The following CSNK1G1 variants were observed in gnomAD, a reference collection of about 807,000 sequenced individuals.
The protein encoded by CSNK1G1 is casein kinase I isoform gamma-1.
Under a neutral mutation model 59.6 loss-of-function variants are expected in CSNK1G1, and 22 were observed. The ratio of observed to expected loss-of-function variants is 0.37; its 90% CI spans 0.26 to 0.53. The LOEUF is 0.53. CSNK1G1 is among the 20% of genes least tolerant of loss of function. The probability of loss-of-function intolerance (pLI) is 0.89; values close to 1 mark genes in which losing one functional copy is unlikely to be tolerated. For synonymous variants in CSNK1G1, 179 were observed against 177.1 expected, an observed-to-expected ratio of 1.01 and a Z score of -0.08; for missense variants, 384 against 519.5, an observed-to-expected ratio of 0.74 and a Z score of 2.54.
chr15:64,261,247 G>A (rs963825484), intron 2 of CSNK1G1, among the ~76,000 whole-genome samples: 11 of 152,106 alleles, frequency 7.2e-5, no homozygotes, highest in Admixed American at 1.3e-4. Context: ...GTGACTCTGC[G>A]CAAAGATTTT....
chr15:64,270,972 G>A (rs1893268816), intron 2 of CSNK1G1, among the ~76,000 whole-genome samples: 1 of 151,938 alleles, frequency 6.6e-6, no homozygotes, highest in Non-Finnish European at 1.5e-5. Flanking sequence ...TACTATGTAT[G>A]TGTGTATTTT....
intron 1 of CSNK1G1, among the ~76,000 whole-genome samples, chr15:64,314,282 T>C (rs998852255): frequency 1.3e-5 from 2 of 152,100 alleles, no homozygotes; most frequent in South Asian, 2.1e-4. Context: ...ATGCACAGCA[T>C]GGAAGAGTTT....
chr15:64,307,984 C>T (rs963329548), intron 1 of CSNK1G1, among the ~76,000 whole-genome samples: 1 of 152,102 alleles, frequency 6.6e-6, no homozygotes, highest in Non-Finnish European at 1.5e-5. Flanking sequence ...CCGCGCCCTG[C>T]CTGTCAGCAA....
chr15:64,326,716 T>A (rs925035795), intron 1 of CSNK1G1, among the ~76,000 whole-genome samples: 1 of 151,208 alleles, frequency 6.6e-6, no homozygotes, highest in East Asian at 2.0e-4. Flanking sequence ...GCTTCCAGCA[T>A]GAGCGACGCA....
intron 2 of CSNK1G1, among the ~76,000 whole-genome samples, chr15:64,290,775 G>A (rs1450283956): frequency 6.6e-6 from 1 of 151,988 alleles, no homozygotes; most frequent in Non-Finnish European, 1.5e-5. Context: ...TTTTGAGACA[G>A]AGTCTCGTTC....
At chr15:64,352,646 T>A (rs1424635882) in intron 1 of CSNK1G1, among the ~76,000 whole-genome samples, 3 of 150,742 alleles carry the variant, frequency 2.0e-5, no homozygotes, top group Non-Finnish European at 4.4e-5. Flanking sequence ...GGTTTCTCCA[T>A]GTTGCTCAGG....
Position 64,168,853 on chromosome 15 carries a change from C to G in CSNK1G1, c.*3078G>C, listed in dbSNP as rs573488383. The G allele has an allele frequency of 1.3e-5, 2 of 152,298 alleles. No individual in the cohort carries two copies. The highest frequency in any genetic ancestry group is 2.9e-5 in the Non-Finnish European group (2 of 68,022). 9.4% of individuals were successfully genotyped at this position (152,298 alleles called of 1,614,324 possible). A position where few individuals can be genotyped will look rare whatever the true frequency, so the allele number is the denominator to read the frequency against. On this transcript the variant is annotated 3_prime_UTR_variant, in exon 12 of 12. Transcript: ENST00000303052. ...TTTTTGCTTATTTTTAAGGAAGATC[C>G]CACCAGAATCTCCCAGGTCTGGGAC...
chr15:64,241,887 G>A (rs1247061819), intron 4 of CSNK1G1, among the ~76,000 whole-genome samples: 1 of 149,248 alleles, frequency 6.7e-6, no homozygotes, highest in South Asian at 2.1e-4. Context: ...AAGACCAAAA[G>A]TTGCAAAAGA....
At chr15:64,282,401 A>T (rs957868978) in intron 2 of CSNK1G1, among the ~76,000 whole-genome samples, 12 of 152,050 alleles carry the variant, frequency 7.9e-5, no homozygotes, top group Admixed American at 7.9e-4. Flanking sequence ...AGTAGCTGGG[A>T]TTACAGGCAT....
At chr15:64,250,926 A>G (rs1892045201) in intron 4 of CSNK1G1, among the ~76,000 whole-genome samples, 1 of 152,184 alleles carries the variant, frequency 6.6e-6, no homozygotes, top group Non-Finnish European at 1.5e-5. Flanking sequence ...CATTAGCAAA[A>G]CATTTTTCTG....
At chr15:64,278,425 TATATA>T (rs1213028103) in intron 2 of CSNK1G1, among the ~76,000 whole-genome samples, 1,366 of 136,414 alleles carry the variant, frequency 0.01, 25 homozygotes, top group African/African-American at 0.04. Context: ...TGTGTATATA[TATATA>T]TATTTTTTTT....
intron 2 of CSNK1G1, among the ~76,000 whole-genome samples, chr15:64,265,598 G>T (rs1892931384): frequency 6.6e-6 from 1 of 151,540 alleles, no homozygotes; most frequent in African/African-American, 2.4e-5. Flanking sequence ...CCAGTCTTGG[G>T]TATGTCTTTA....
intron 1 of CSNK1G1, among the ~76,000 whole-genome samples, chr15:64,309,911 A>G (rs1347965162): frequency 2.0e-5 from 3 of 151,896 alleles, no homozygotes; most frequent in Non-Finnish European, 4.4e-5. Flanking sequence ...AGAATTCAAT[A>G]CCAGCTTGGT....
At chr15:64,172,050 G>C (rs2081674395) in intron 11 of CSNK1G1, 65 bp from the exon 12 acceptor site, 1 of 1,462,832 alleles carries the variant, frequency 6.8e-7, no homozygotes, top group Admixed American at 1.7e-5. Flanking sequence ...ACTTCTGCCT[G>C]CTTCTGCTTA....
chr15:64,304,383 CAAAAAAAAAAAAA>C (rs3057017), intron 1 of CSNK1G1, among the ~76,000 whole-genome samples: 2 of 70,732 alleles, frequency 2.8e-5, no homozygotes, highest in Non-Finnish European at 5.5e-5. Context: ...AACTCCACCT[CAAAAAAAAAAAAA>C]AAAAAAAAAG....
intron 1 of CSNK1G1, among the ~76,000 whole-genome samples, chr15:64,326,067 C>T (rs1306091116): frequency 6.6e-6 from 1 of 152,196 alleles, no homozygotes; most frequent in Non-Finnish European, 1.5e-5. Context: ...CTCTGTCACC[C>T]AGGCTAGAGC....
At position 64,184,931 on chromosome 15, in the gene CSNK1G1, T is replaced by A. The variant is rs1277882281; in HGVS notation, c.1108-4477A>T. 2.6e-5 allele frequency among the ~76,000 whole-genome samples: 4 copies of A among 152,344 alleles called. No individual in the cohort carries two copies. In the East Asian group the frequency reaches 7.7e-4, roughly 29 times the overall value. On this transcript the variant is annotated intron_variant, in intron 10 of 11. Transcript: ENST00000303052. ...TGTCACTGTGAGGAGAAATCAGAGC[T>A]GTGTACCAAAGGAAACAGTACTTCA...
At chr15:64,173,619 CTTTTTTTTTTTTTT>C (rs928192194) in intron 11 of CSNK1G1, among the ~76,000 whole-genome samples, 5 of 108,546 alleles carry the variant, frequency 4.6e-5, no homozygotes, top group African/African-American at 1.9e-4. Context: ...CTTTTCTTTT[CTTTTTTTTTTTTTT>C]TTTTTTTGAG....
At chr15:64,219,715 C>T (rs142492140) in intron 4 of CSNK1G1, among the ~76,000 whole-genome samples, 1 of 152,162 alleles carries the variant, frequency 6.6e-6, no homozygotes, top group Non-Finnish European at 1.5e-5. Flanking sequence ...CTGCTTTGAC[C>T]TCCCAAGTGC....
Sources: gnomAD v4.1 joint callset for allele counts (sites outside exome capture counted in the v4.1 genomes callset) on GRCh38, gnomAD v4.1.1 for gene constraint, MANE v1.5 for transcripts, NCBI Gene and HGNC (gene_info 2026-07-23, HGNC 2026-07-21) for gene names.